The following SGCD variants were observed in gnomAD, a reference collection of about 807,000 sequenced individuals.
SGCD encodes sarcoglycan delta.
Under a neutral mutation model 36.6 loss-of-function variants are expected in SGCD, and 18 were observed. The observed-to-expected ratio is 0.49, with a 90% confidence interval of 0.34 to 0.73. The LOEUF is 0.73. Ranked by LOEUF, SGCD falls within the 30% of genes least tolerant of loss-of-function variation. The pLI, the probability that SGCD is intolerant of heterozygous loss-of-function variation, is 0.01. For synonymous variants in SGCD, 133 were observed against 130.6 expected (o/e 1.02, Z -0.12); for missense variants, 387 against 346.7 (o/e 1.12, Z -0.92).
At chr5:156,745,184 G>A (rs764015738) in intron 7 of SGCD, among the ~76,000 whole-genome samples, 5 of 152,120 alleles carry the variant, frequency 3.3e-5, no homozygotes, top group Non-Finnish European at 7.4e-5. Context: ...TCAGTGTAAG[G>A]GTGAAATAGA....
chr5:156,723,696 G>A (rs1369743427), intron 7 of SGCD, among the ~76,000 whole-genome samples: 2 of 152,200 alleles, frequency 1.3e-5, no homozygotes, highest in Non-Finnish European at 2.9e-5. Flanking sequence ...GACTGGCACG[G>A]GAGTGGCATG....
chr5:156,406,018 T>TAAAAAAA (rs10529406), intron 3 of SGCD, among the ~76,000 whole-genome samples: 1,480 of 103,936 alleles, frequency 0.014, 59 homozygotes, highest in African/African-American at 0.021. Flanking sequence ...TATCTTTGCT[T>TAAAAAAA]AAAAAAAAAA....
At position 156,539,538 on chromosome 5, in the gene SGCD, C is replaced by G. The variant is rs199795127; in HGVS notation, c.294+30836C>G. Among the ~76,000 whole-genome samples, 3 of 152,180 alleles carry G rather than the reference C, an allele frequency of 2.0e-5. No individual in the cohort carries two copies. The East Asian group carries it at 5.8e-4, about 29-fold the overall frequency. On this transcript the variant is annotated intron_variant, in intron 4 of 8. Transcript: ENST00000337851. ...TGTTTTCCATTCCTAAATTACTTCA[C>G]TTAGAATAATGGCCTCCAGCTTCAT...
At chr5:155,769,193 G>A in the SGCD span, among the ~76,000 whole-genome samples, 1 of 152,058 alleles carries the variant, frequency 6.6e-6, no homozygotes, top group African/African-American at 2.4e-5. Context: ...TACATTGTTT[G>A]TGTAAAAAAA....
At chr5:156,627,956 C>G (rs1427845068) in intron 6 of SGCD, among the ~76,000 whole-genome samples, 1 of 152,100 alleles carries the variant, frequency 6.6e-6, no homozygotes, top group Admixed American at 6.5e-5. Context: ...ATACCTGAGA[C>G]TGGGTAATTT....
rs149368423 is a variant in SGCD at position 156,404,202 on chromosome 5, A to C, written c.192+59525A>C. Among the ~76,000 whole-genome samples the C allele has an allele frequency of 4.4e-3, 668 of 152,260 alleles. 1 individual carries two copies. Among genetic ancestry groups the C allele is most frequent in the Non-Finnish European group, 7.2e-3 (487 of 68,020 alleles). On this transcript the variant is annotated intron_variant, in intron 3 of 8. Transcript: ENST00000337851. ...GAATATTCTTAAGAATGTTGTTCCC[A>C]TTCCCTTCATCGGCTTACCTGTATT...
chr5:155,824,428 G>T, the SGCD span, among the ~76,000 whole-genome samples: 4 of 152,186 alleles, frequency 2.6e-5, no homozygotes, highest in South Asian at 2.1e-4. Context: ...GATAAAAGTT[G>T]GCAGATATTG....
intron 1 of SGCD, among the ~76,000 whole-genome samples, chr5:155,996,822 A>G (rs1008987593): frequency 6.6e-6 from 1 of 151,902 alleles, no homozygotes; most frequent in Non-Finnish European, 1.5e-5. Context: ...TTTTTAAAAA[A>G]TCAAAGGCTG....
chr5:156,213,397 A>G (rs1326296309), intron 3 of SGCD, among the ~76,000 whole-genome samples: 2 of 152,154 alleles, frequency 1.3e-5, no homozygotes, highest in East Asian at 1.9e-4. Flanking sequence ...GAAACATACA[A>G]CCTACCATGA....
At chr5:156,029,981 C>A (rs536699541) in intron 1 of SGCD, among the ~76,000 whole-genome samples, 9 of 152,278 alleles carry the variant, frequency 5.9e-5, no homozygotes, top group Admixed American at 2.6e-4. Context: ...AACCTACCTC[C>A]CTCACCTCCC....
the SGCD span, among the ~76,000 whole-genome samples, chr5:155,759,938 T>C: frequency 6.6e-6 from 1 of 152,250 alleles, no homozygotes; most frequent in African/African-American, 2.4e-5. Context: ...CATGTTACGT[T>C]TCTGCACATA....
intron 4 of SGCD, among the ~76,000 whole-genome samples, chr5:156,531,574 G>T (rs1280069105): frequency 6.6e-6 from 1 of 152,110 alleles, no homozygotes; most frequent in Admixed American, 6.6e-5. Context: ...CACATCACAG[G>T]GTCGGTGGTC....
At chr5:156,093,933 G>T (rs554752663) in intron 1 of SGCD, among the ~76,000 whole-genome samples, 1 of 152,244 alleles carries the variant, frequency 6.6e-6, no homozygotes, top group East Asian at 1.9e-4. Context: ...ATAATGTCTG[G>T]CAGGCTGCTT....
intron 1 of SGCD, among the ~76,000 whole-genome samples, chr5:155,887,751 C>T (rs945386304): frequency 2.0e-5 from 3 of 152,168 alleles, no homozygotes; most frequent in Non-Finnish European, 4.4e-5. Flanking sequence ...TCATCATTTA[C>T]CAGACTTCTA....
At chr5:156,022,880 C>T (rs1279707656) in intron 1 of SGCD, among the ~76,000 whole-genome samples, 2 of 152,164 alleles carry the variant, frequency 1.3e-5, no homozygotes, top group Non-Finnish European at 2.9e-5. Context: ...TAATCTTCTG[C>T]TGTCAGATTA....
the SGCD span, among the ~76,000 whole-genome samples, chr5:155,832,829 A>T: frequency 6.6e-6 from 1 of 152,266 alleles, no homozygotes; most frequent in African/African-American, 2.4e-5. Context: ...AGTAAGTTTC[A>T]TGGTACTTAG....
At chr5:156,522,770 C>T (rs543034329) in intron 4 of SGCD, among the ~76,000 whole-genome samples, 6 of 151,614 alleles carry the variant, frequency 4.0e-5, no homozygotes, top group East Asian at 3.9e-4. Context: ...CCCCACCCCC[C>T]GACACACACA....
intron 3 of SGCD, among the ~76,000 whole-genome samples, chr5:156,229,297 T>TATAA (rs1764951835): frequency 8.3e-6 from 1 of 119,880 alleles, no homozygotes; most frequent in Non-Finnish European, 1.7e-5. Flanking sequence ...TATATATATA[T>TATAA]ATAAAATTAG....
chr5:155,742,607 A>G, the SGCD span, among the ~76,000 whole-genome samples: 1 of 152,246 alleles, frequency 6.6e-6, no homozygotes, highest in African/African-American at 2.4e-5. Flanking sequence ...ACAAGCCTCA[A>G]CGTAGATTAC....
Sources: gnomAD v4.1 joint callset for allele counts (sites outside exome capture counted in the v4.1 genomes callset) on GRCh38, gnomAD v4.1.1 for gene constraint, MANE v1.5 for transcripts, NCBI Gene and HGNC (gene_info 2026-07-23, HGNC 2026-07-21) for gene names.